The following PCDHGA9 variants were observed in gnomAD, a reference collection of about 807,000 sequenced individuals.
PCDHGA9 encodes protocadherin gamma-A9.
PCDHGA9 carries 37 observed loss-of-function variants against 62.5 expected under a neutral mutation model. The ratio of observed to expected loss-of-function variants is 0.59; its 90% CI spans 0.46 to 0.78. PCDHGA9 has a LOEUF of 0.78. Among genes scored for constraint, PCDHGA9 ranks in the 30% least tolerant of loss-of-function variants. The pLI is 0.00. For synonymous variants in PCDHGA9, 459 were observed against 484.6 expected (o/e 0.95, Z 0.69); for missense variants, 1,138 against 1,166.2 (o/e 0.98, Z 0.35).
chr5:141,418,626 C>A (rs1237600131), intron 1 of PCDHGA9: 2 of 1,613,902 alleles, frequency 1.2e-6, no homozygotes, highest in African/African-American at 2.7e-5. Context: ...GAAGACGTGC[C>A]TCCAGGCACC....
chr5:141,414,657 C>T (rs1313928067), intron 1 of PCDHGA9: 1 of 1,614,004 alleles, frequency 6.2e-7, no homozygotes, highest in Admixed American at 1.7e-5. Context: ...TTATTTACTC[C>T]CTGGCTGAAG....
intron 1 of PCDHGA9, among the ~76,000 whole-genome samples, chr5:141,473,126 A>C (rs2154571574): frequency 6.6e-6 from 1 of 152,356 alleles, no homozygotes; most frequent in South Asian, 2.1e-4. Flanking sequence ...GCTCTTTGGC[A>C]AACTATATTA....
intron 1 of PCDHGA9, chr5:141,433,309 T>C: frequency 1.1e-6 from 1 of 901,134 alleles, no homozygotes; most frequent in Admixed American, 2.7e-5. Context: ...TTATCCCACC[T>C]TTGCCTCCGG....
rs1215626157 is a variant in PCDHGA9, at chr5:141,487,804, GT to G, written c.2425-7000del. ...TCGTGAATTAACCAGAGTTGTCACAGTTTAGCATTGGGGGCGGGTCATGCCT... is the reference window on the plus strand; with the variant it reads ...TCGTGAATTAACCAGAGTTGTCACAGTTAGCATTGGGGGCGGGTCATGCCT... On this transcript the variant is annotated intron_variant, in intron 1 of 3. Transcript: ENST00000573521. The surrounding 1 kb of genome is among the most constrained non-coding windows in gnomAD (Gnocchi z 5.0). 15 of 1,451,846 alleles carry G rather than the reference GT, an allele frequency of 1.0e-5. No homozygotes were observed. The highest frequency in any genetic ancestry group is 1.3e-5 in the Non-Finnish European group (14 of 1,072,382). 89.9% of individuals were successfully genotyped at this position (1,451,846 alleles called of 1,614,324 possible).
chr5:141,487,667 A>G lies in PCDHGA9; in HGVS notation c.2425-7140A>G, dbSNP rs2099657916. ...GCTTGAGGGTTATTCTGATCCAGGC[A>G]TATGGCTAGGCCATGTCCTAGAGAG... On this transcript the variant is annotated intron_variant, in intron 1 of 3. Transcript: ENST00000573521. This position sits in a 1 kb window ranked among gnomAD's most constrained non-coding sequence, Gnocchi z 5.0. 6.2e-7 allele frequency: 1 copy of G among 1,612,782 alleles called. No individual in the cohort carries two copies. The highest frequency in any genetic ancestry group is 1.1e-5 in the South Asian group (1 of 90,692).
At position 141,490,448 on chromosome 5, in the gene PCDHGA9, A is replaced by C. The variant is rs1309104827; in HGVS notation, c.2425-4359A>C. 1 of 1,614,206 alleles carries C rather than the reference A, an allele frequency of 6.2e-7. No homozygotes were observed. Among genetic ancestry groups the C allele is most frequent in the Admixed American group, 1.7e-5 (1 of 60,030 alleles). ...TTTCAGATTAAGCCTTCTGAGAACC[A>C]CTACTCGCTGCTAACCAGCCAGCCT... is the stretch of plus-strand genomic sequence containing the variant. On this transcript the variant is annotated intron_variant, in intron 1 of 3. Coordinates refer to ENST00000573521, the MANE Select transcript of PCDHGA9 (RefSeq NM_018921.3). This position sits in a 1 kb window ranked among gnomAD's most constrained non-coding sequence, Gnocchi z 5.4.
At chr5:141,460,780 A>G (rs1387522399) in intron 1 of PCDHGA9, among the ~76,000 whole-genome samples, 3 of 152,042 alleles carry the variant, frequency 2.0e-5, no homozygotes, top group Non-Finnish European at 4.4e-5. Context: ...GTATGTATAC[A>G]TATATACACA....
chr5:141,476,046 C>T lies in PCDHGA9; in HGVS notation c.2425-18761C>T. 6.7e-7 allele frequency: 1 copy of T among 1,491,396 alleles called. No individual in the cohort carries two copies. Among genetic ancestry groups the T allele is most frequent in the Non-Finnish European group, 8.9e-7 (1 of 1,122,928 alleles). 92.4% of individuals were successfully genotyped at this position (1,491,396 alleles called of 1,614,324 possible). On this transcript the variant is annotated intron_variant, in intron 1 of 3. Coordinates refer to ENST00000573521, the MANE Select transcript of PCDHGA9 (RefSeq NM_018921.3). This position sits in a 1 kb window ranked among gnomAD's most constrained non-coding sequence, Gnocchi z 7.6. ...CGGCGCCCAGCGCCCAAGCGCTAAC[C>T]CGCTGAAAGTTTCTCAGCGAAATCT...
At position 141,502,349 on chromosome 5, in the gene PCDHGA9, T is replaced by C. The variant is rs369766657; in HGVS notation, c.2484-3044T>C. 1.3e-3 allele frequency among the ~76,000 whole-genome samples: 200 copies of C among 152,292 alleles called. 3 individuals carry two copies. In the South Asian group the frequency reaches 0.034, roughly 26 times the overall value. On this transcript the variant is annotated intron_variant, in intron 2 of 3. Transcript: ENST00000573521. ...GCTCCCAGTCTTTTTATTTTTTTAA[T>C]GACATGGATATTTTTAAAGAGTCCA...
rs760878091 is a variant in PCDHGA9 at position 141,476,406 on chromosome 5, T to A, written c.2425-18401T>A. The A allele has an allele frequency of 6.2e-7, 1 of 1,614,054 alleles. No individual in the cohort carries two copies. The highest frequency in any genetic ancestry group is 8.5e-7 in the Non-Finnish European group (1 of 1,180,002). On this transcript the variant is annotated intron_variant, in intron 1 of 3. Transcript: ENST00000573521. The surrounding 1 kb of genome is among the most constrained non-coding windows in gnomAD (Gnocchi z 7.6). Reference sequence around the variant, plus strand: ...AACGACCGTCTGGATCGAGAGGAGCTGTGTGGGACACTGCCCTCTTGCACT... The same window carrying A: ...AACGACCGTCTGGATCGAGAGGAGCAGTGTGGGACACTGCCCTCTTGCACT...
At chr5:141,495,104 G>C (rs552664771) in intron 2 of PCDHGA9, among the ~76,000 whole-genome samples, 16 of 152,194 alleles carry the variant, frequency 1.1e-4, no homozygotes, top group Admixed American at 8.5e-4. Flanking sequence ...CGCCACGACC[G>C]GCACCTTTTC....
chr5:141,475,628 C>T (rs2099366226), intron 1 of PCDHGA9, among the ~76,000 whole-genome samples: 1 of 152,116 alleles, frequency 6.6e-6, no homozygotes. Context: ...TTGGTTCGAT[C>T]CCCTTTCTTG....
intron 1 of PCDHGA9, among the ~76,000 whole-genome samples, chr5:141,463,518 G>T (rs537466389): frequency 7.2e-6 from 1 of 139,068 alleles, no homozygotes; most frequent in African/African-American, 2.8e-5. Context: ...GCGTGATCTC[G>T]GCTTACTAGA....
intron 2 of PCDHGA9, among the ~76,000 whole-genome samples, chr5:141,498,976 GGAAGGAAGGAAGGAA>G (rs1562186940): frequency 1.5e-4 from 2 of 13,010 alleles, no homozygotes; most frequent in Admixed American, 2.9e-3. Context: ...AGGGAGGGAA[GGAAGGAAGGAAGGAA>G]GGAAGGAAGG....
intron 1 of PCDHGA9, among the ~76,000 whole-genome samples, chr5:141,472,245 T>A (rs1217786736): frequency 6.6e-6 from 1 of 152,144 alleles, no homozygotes; most frequent in East Asian, 1.9e-4. Context: ...ACTTTCTATT[T>A]TAAAGTTATA....
intron 1 of PCDHGA9, chr5:141,415,098 G>T (rs578221269): frequency 1.9e-5 from 31 of 1,613,588 alleles, no homozygotes; most frequent in African/African-American, 1.7e-4. Flanking sequence ...ACAGAGACGC[G>T]CTCAAGCAAA....
At chr5:141,464,137 C>T (rs1015442185) in intron 1 of PCDHGA9, among the ~76,000 whole-genome samples, 9 of 151,928 alleles carry the variant, frequency 5.9e-5, no homozygotes, top group Non-Finnish European at 7.4e-5. Context: ...TGGTGGTGGG[C>T]GCCTGTAGTC....
intron 1 of PCDHGA9, among the ~76,000 whole-genome samples, chr5:141,443,695 A>G (rs1324985529): frequency 1.3e-5 from 2 of 152,272 alleles, no homozygotes; most frequent in Non-Finnish European, 2.9e-5. Context: ...TTCAAAAATT[A>G]TAGAATAACA....
At chr5:141,458,662 C>A (rs948275548) in intron 1 of PCDHGA9, among the ~76,000 whole-genome samples, 2 of 152,064 alleles carry the variant, frequency 1.3e-5, no homozygotes, top group Non-Finnish European at 2.9e-5. Flanking sequence ...CTCCACCTCT[C>A]GGGTTCAAGC....
Sources: gnomAD v4.1 joint callset for allele counts (sites outside exome capture counted in the v4.1 genomes callset) on GRCh38, gnomAD v4.1.1 for gene constraint, Gnocchi (gnomAD v3.1) non-coding constraint, MANE v1.5 for transcripts, NCBI Gene and HGNC (gene_info 2026-07-23, HGNC 2026-07-21) for gene names.